The following TDO2 variants were observed in gnomAD, a reference collection of about 807,000 sequenced individuals.
TDO2 encodes tryptophan 2,3-dioxygenase.
TDO2 carries 63 observed loss-of-function variants against 61.2 expected under a neutral mutation model. The ratio of observed to expected loss-of-function variants is 1.03; its 90% confidence interval spans 0.84 to 1.27. The LOEUF (loss-of-function observed/expected upper bound fraction) is 1.27, where lower values mean the gene tolerates loss of function less well. Among genes scored for constraint, TDO2 ranks in the 50% most tolerant of loss-of-function variants. The pLI is 0.00. For missense variants in TDO2, 494 were observed against 469.5 expected, an observed-to-expected ratio of 1.05 and a Z score of -0.48; for synonymous variants, 183 against 164.0, an observed-to-expected ratio of 1.12 and a Z score of -0.89.
rs754995902 is a variant in TDO2 at position 155,918,248 on chromosome 4, G to A, written c.1067+9G>A. Reference sequence around the variant, plus strand: ...CTGCGATCAACTGTGAGGTAGGTGGGGAAATTCTCCTTTCTTCCTGGTGGC... The same window carrying A: ...CTGCGATCAACTGTGAGGTAGGTGGAGAAATTCTCCTTTCTTCCTGGTGGC... On this transcript the variant is annotated intron_variant, in intron 11 of 11. Transcript: ENST00000536354. 1.2e-6 allele frequency: 2 copies of A among 1,613,338 alleles called. No individual in the cohort carries two copies. Among genetic ancestry groups the A allele is most frequent in the Admixed American group, 1.7e-5 (1 of 59,958 alleles).
In TDO2 at chr4:155,914,443, T is replaced by C. The variant is rs1742894285; in HGVS notation, c.838+9T>C. 1.3e-6 allele frequency: 2 copies of C among 1,550,804 alleles called. No homozygotes were observed. The highest frequency in any genetic ancestry group is 2.3e-5 in the East Asian group (1 of 42,632). On this transcript the variant is annotated intron_variant, in intron 8 of 11. Coordinates refer to ENST00000536354, the MANE Select transcript of TDO2 (RefSeq NM_005651.4). ...ACATCTCCTTAGTAAAGGCAGGTAT[T>C]TTTACTTTATGAATCTTTTCCCTGG...
intron 7 of TDO2, among the ~76,000 whole-genome samples, chr4:155,913,562 A>G (rs543608801): frequency 2.0e-5 from 3 of 152,228 alleles, no homozygotes; most frequent in Non-Finnish European, 4.4e-5. Context: ...TATTTGTTCA[A>G]TGTCTTATTC....
intron 9 of TDO2, 24 bp from the exon 10 acceptor site, chr4:155,917,371 C>G: frequency 6.3e-7 from 1 of 1,587,234 alleles, no homozygotes; most frequent in Non-Finnish European, 8.6e-7. Context: ...ATATATTCTT[C>G]TTTTTCTTCT....
At chr4:155,906,500 C>T (rs892953980) in intron 3 of TDO2, 1 of 152,084 alleles carries the variant, frequency 6.6e-6, no homozygotes, top group African/African-American at 2.4e-5. Context: ...AAATAGGATG[C>T]ACTGAAGATC....
intron 7 of TDO2, among the ~76,000 whole-genome samples, chr4:155,913,491 A>G (rs1742875233): frequency 6.6e-6 from 1 of 152,020 alleles, no homozygotes; most frequent in Non-Finnish European, 1.5e-5. Context: ...ACTCCTTATT[A>G]CTTTAAGTTA....
chr4:155,914,133 G>A (rs1022846605), intron 7 of TDO2, among the ~76,000 whole-genome samples, 190 bp from the exon 8 acceptor site: 2 of 152,014 alleles, frequency 1.3e-5, no homozygotes, highest in Non-Finnish European at 1.5e-5. Context: ...TAAAAGGATA[G>A]AACCACTGAG....
chr4:155,912,061 C>T (rs1000676934), intron 7 of TDO2, among the ~76,000 whole-genome samples: 2 of 152,154 alleles, frequency 1.3e-5, no homozygotes, highest in Non-Finnish European at 2.9e-5. Context: ...TTTCAGGTCT[C>T]TCATCCTCTT....
rs149182607 is a variant in TDO2 at position 155,914,345 on chromosome 4, A to C, written c.749A>C (p.Lys250Thr). The C allele has an allele frequency of 6.2e-7, 1 of 1,608,544 alleles. No homozygotes were observed. Among genetic ancestry groups the C allele is most frequent in the Non-Finnish European group, 8.5e-7 (1 of 1,178,590 alleles). Residue 250 changes from lysine (K) to threonine (T), a missense_variant, in exon 8 of 12, where the codon AAA (lysine) becomes ACA (threonine). Coordinates refer to ENST00000536354, the MANE Select transcript of TDO2 (RefSeq NM_005651.4). ...RIQAKEESEE[K>T]EEQVAEFQKQ... ...AAGGCTAAAGAAGAGTCTGAAGAAA[A>C]AGAGGAACAGGTGGCTGAATTTCAG...
Position 155,905,119 on chromosome 4 carries a change from A to C in TDO2, c.194A>C (p.Lys65Thr), listed in dbSNP as rs1173742815. ...CTGCAAAGTGAAACAAAAGGAAATA[A>C]AATCCATGATGAACATCTTTTTATC... ...QELQSETKGN[K>T]IHDEHLFIIT... The change falls in exon 3 of 12, where the codon AAA (lysine) becomes ACA (threonine). Residue 65 changes from lysine to threonine, a missense_variant. Coordinates refer to ENST00000536354, the MANE Select transcript of TDO2 (RefSeq NM_005651.4). The C allele has an allele frequency of 6.2e-7, 1 of 1,602,450 alleles. No homozygotes were observed. The highest frequency in any genetic ancestry group is 8.5e-7 in the Non-Finnish European group (1 of 1,175,118).
intron 3 of TDO2, chr4:155,905,551 T>G (rs562713417): frequency 3.8e-5 from 6 of 158,068 alleles, no homozygotes; most frequent in East Asian, 3.8e-4. Flanking sequence ...TAAAGACAAA[T>G]GTAAATTGTG....
At chr4:155,913,649 A>C (rs1351857770) in intron 7 of TDO2, among the ~76,000 whole-genome samples, 2 of 152,150 alleles carry the variant, frequency 1.3e-5, no homozygotes, top group East Asian at 3.8e-4. Context: ...TTAGCATGAC[A>C]TGTATTGAAT....
intron 6 of TDO2, among the ~76,000 whole-genome samples, chr4:155,910,438 A>G (rs896973768): frequency 7.9e-5 from 12 of 152,160 alleles, no homozygotes; most frequent in Non-Finnish European, 1.3e-4. Context: ...AATCAATTGT[A>G]TGCTAATATT....
At chr4:155,904,589 G>A (rs189119056) in intron 2 of TDO2, among the ~76,000 whole-genome samples, 229 of 152,266 alleles carry the variant, frequency 1.5e-3, no homozygotes, top group African/African-American at 5.2e-3. Context: ...GGTATTGGGA[G>A]ATTATTCTGG....
At chr4:155,905,937 T>C (rs1182665481) in intron 3 of TDO2, 2 of 152,206 alleles carry the variant, frequency 1.3e-5, no homozygotes, top group African/African-American at 4.8e-5. Context: ...GTTAAAAAAC[T>C]GGCTTAATGT....
intron 3 of TDO2, chr4:155,907,325 T>G (rs1291249095): frequency 1.3e-5 from 2 of 158,962 alleles, no homozygotes; most frequent in Non-Finnish European, 1.4e-5. Context: ...GTCTTTCATT[T>G]AGGTTAGGAA....
intron 11 of TDO2, 71 bp from the exon 12 acceptor site, chr4:155,919,766 A>C (rs574430337): frequency 7.5e-7 from 1 of 1,341,818 alleles, no homozygotes; most frequent in Non-Finnish European, 1.0e-6. Flanking sequence ...CTGAGAAATA[A>C]ATTTTCTAAT....
intron 11 of TDO2, 72 bp downstream of exon 11, chr4:155,918,311 T>C: frequency 7.0e-7 from 1 of 1,430,196 alleles, no homozygotes; most frequent in South Asian, 1.2e-5. Context: ...ATACATTTGC[T>C]ATCTAAAAAA....
At chr4:155,909,388 T>C (rs1220224182) in intron 5 of TDO2, among the ~76,000 whole-genome samples, 1 of 152,122 alleles carries the variant, frequency 6.6e-6, no homozygotes, top group Non-Finnish European at 1.5e-5. Context: ...TCAATCAAAG[T>C]AGAAGTTATG....
intron 8 of TDO2, 67 bp from the exon 9 acceptor site, chr4:155,915,788 G>C (rs1742921011): frequency 7.3e-7 from 1 of 1,367,614 alleles, no homozygotes; most frequent in South Asian, 1.3e-5. Flanking sequence ...TTAAGATGAC[G>C]ATGCCAAATT....
Sources: allele counts gnomAD v4.1 joint callset (sites outside exome capture counted in the v4.1 genomes callset), GRCh38; gene constraint gnomAD v4.1.1; transcripts MANE v1.5; gene names NCBI Gene and HGNC (gene_info 2026-07-23, HGNC 2026-07-21).